The following TRIO variants were observed in gnomAD, a reference collection of about 807,000 sequenced individuals.
The protein encoded by TRIO is triple functional domain protein.
TRIO carries 58 observed loss-of-function variants against 351.9 expected under a neutral mutation model. That is an observed-to-expected ratio of 0.16 (90% confidence interval 0.13 to 0.21). The LOEUF is 0.21. Ranked by LOEUF, TRIO falls within the 10% of genes least tolerant of loss-of-function variation. TRIO has a pLI of 1.00. For missense variants in TRIO, 3,201 were observed against 4,027.8 expected (o/e 0.79, Z 5.56); for synonymous variants, 1,758 against 1,595.7 (o/e 1.10, Z -2.42).
chr5:14,277,007 C>G (rs1257425928), intron 2 of TRIO, among the ~76,000 whole-genome samples: 2 of 152,214 alleles, frequency 1.3e-5, no homozygotes, highest in African/African-American at 4.8e-5. Context: ...GGATATCCAT[C>G]AGGCATTGCT....
At chr5:14,406,820 G>A in intron 33 of TRIO, 148 bp downstream of exon 33, 1 of 732,602 alleles carries the variant, frequency 1.4e-6, no homozygotes, top group Admixed American at 2.2e-5. Context: ...TCCCGTGGTG[G>A]GGCAGAGACT....
rs2152284838 is a variant in TRIO, at chr5:14,290,761, T to G, written c.586T>G (p.Ser196Ala). The G allele has an allele frequency of 6.2e-7, 1 of 1,614,162 alleles. No homozygotes were observed. The highest frequency in any genetic ancestry group is 1.3e-5 in the African/African-American group (1 of 75,040). ...AGGCCTTACCAAAGTAGTTGATCCTTCTCAGCTAACTCCTGAGTTTGATGG... is the reference window on the plus strand; with the variant it reads ...AGGCCTTACCAAAGTAGTTGATCCTGCTCAGCTAACTCCTGAGTTTGATGG... ...LEGLTKVVDP[S>A]QLTPEFDGCL... Residue 196 changes from serine (S) to alanine (A), a missense_variant, in exon 5 of 57, where the codon TCT (serine) becomes GCT (alanine). By Grantham distance (99) the Ser-to-Ala change is moderately conservative. Transcript: ENST00000344204.
At chr5:14,469,889 T>A (rs1194405517) in intron 37 of TRIO, among the ~76,000 whole-genome samples, 1 of 152,226 alleles carries the variant, frequency 6.6e-6, no homozygotes, top group African/African-American at 2.4e-5. Context: ...CCTTTCTCTT[T>A]CTTTTCTTTG....
At chr5:14,295,062 G>T (rs1322090285) in intron 6 of TRIO, among the ~76,000 whole-genome samples, 2 of 152,168 alleles carry the variant, frequency 1.3e-5, no homozygotes, top group African/African-American at 4.8e-5. Context: ...TTCTGGACCA[G>T]GCCTGCTCCT....
rs1376568561 is a variant in TRIO at position 14,297,088 on chromosome 5, T to G, written c.1193T>G (p.Ile398Arg). ...AMNCMNVYVN[I>R]NRIMSVANRL... is the part of the protein sequence containing the mutation. The stretch of plus-strand genomic sequence containing the variant: ...ACTTTCCAGAACGTGTATGTAAATA[T>G]AAACCGCATCATGTCGGTGGCCAAT... Residue 398 changes from isoleucine to arginine, a missense_variant, in exon 7 of 57, where the codon ATA (isoleucine) becomes AGA (arginine). By Grantham distance (97) the Ile-to-Arg change is moderately conservative. Coordinates refer to ENST00000344204, the MANE Select transcript of TRIO (RefSeq NM_007118.4). 6.2e-7 allele frequency: 1 copy of G among 1,613,002 alleles called. No individual in the cohort carries two copies. The highest frequency in any genetic ancestry group is 1.3e-5 in the African/African-American group (1 of 74,910).
chr5:14,263,646 T>C (rs1230309228), intron 1 of TRIO, among the ~76,000 whole-genome samples: 1 of 152,212 alleles, frequency 6.6e-6, no homozygotes, highest in Non-Finnish European at 1.5e-5. Flanking sequence ...TCTGGTTCAT[T>C]TGATACACAC....
At position 14,487,807 on chromosome 5, in the gene TRIO, GC is replaced by G; in HGVS notation, c.7185del (p.Gly2396AlafsTer17). 9.9e-6 allele frequency: 14 copies of G among 1,416,112 alleles called. No individual in the cohort carries two copies. Among genetic ancestry groups the G allele is most frequent in the Admixed American group, 6.6e-5 (2 of 30,092 alleles). 87.7% of individuals were successfully genotyped at this position (1,416,112 alleles called of 1,614,324 possible). On this transcript the variant is annotated frameshift_variant, in exon 48 of 57. Coordinates refer to ENST00000344204, the MANE Select transcript of TRIO (RefSeq NM_007118.4). LOFTEE classifies it high-confidence loss of function. ...CCGGCCCCAGCGCGCCCAGCAGGCG[GC>G]CCCCCGGCGCGGACGCCGAGGGGTC... Reference protein sequence around the residue: ...EAGPSAPSRRPPGADAEGSER... With the variant: ...EAGPSAPSRRXPGADAEGSER...
At chr5:14,455,199 G>A (rs1005882190) in intron 34 of TRIO, among the ~76,000 whole-genome samples, 1 of 152,174 alleles carries the variant, frequency 6.6e-6, no homozygotes, top group Admixed American at 6.5e-5. Flanking sequence ...GGCTTGGGCA[G>A]CCTGCTTTTA....
intron 9 of TRIO, among the ~76,000 whole-genome samples, chr5:14,322,422 T>C (rs1325573801): frequency 6.6e-6 from 1 of 152,198 alleles, no homozygotes; most frequent in Non-Finnish European, 1.5e-5. Flanking sequence ...ATGAGGATTT[T>C]GGTCATTTGA....
intron 34 of TRIO, among the ~76,000 whole-genome samples, chr5:14,437,106 G>T (rs1173206399): frequency 6.6e-6 from 1 of 152,126 alleles, no homozygotes; most frequent in Non-Finnish European, 1.5e-5. Flanking sequence ...TTGATAGTAA[G>T]ACACTTGGAT....
In TRIO at chr5:14,359,447, G is replaced by T. The variant is rs200525310; in HGVS notation, c.2307G>T (p.Ser769=). ...TVLQQLDEAQ[S]QMEELFQERK... ...TGCAGCAGCTGGACGAGGCGCAGTC[G>T]CAGATGGAGGAGCTCTTCCAGGAGC... The change falls in exon 13 of 57, where the codon TCG becomes TCT. Residue 769 remains serine, a synonymous_variant. Transcript: ENST00000344204. 3.1e-6 allele frequency: 5 copies of T among 1,614,280 alleles called. No individual in the cohort carries two copies. Among genetic ancestry groups the T allele is most frequent in the Non-Finnish European group, 4.2e-6 (5 of 1,180,050 alleles).
intron 4 of TRIO, among the ~76,000 whole-genome samples, chr5:14,290,121 G>C (rs979189822): frequency 1.3e-4 from 20 of 152,188 alleles, no homozygotes; most frequent in African/African-American, 4.8e-4. Context: ...GGGCAGTGGG[G>C]TTAGGCTTAG....
intron 34 of TRIO, among the ~76,000 whole-genome samples, chr5:14,425,501 T>C (rs1370287376): frequency 1.3e-5 from 2 of 152,262 alleles, no homozygotes; most frequent in Non-Finnish European, 2.9e-5. Context: ...TTGTGAATAA[T>C]GCTGCTATGA....
chr5:14,210,601 T>TG (rs1169341660), intron 1 of TRIO, among the ~76,000 whole-genome samples: 1 of 151,570 alleles, frequency 6.6e-6, no homozygotes, highest in Non-Finnish European at 1.5e-5. Flanking sequence ...GAAAGTGTTT[T>TG]TTTGTTGTTG....
At chr5:14,305,554 G>A (rs971686346) in intron 8 of TRIO, among the ~76,000 whole-genome samples, 5 of 152,244 alleles carry the variant, frequency 3.3e-5, no homozygotes, top group Admixed American at 6.5e-5. Flanking sequence ...ACCTGGAAGA[G>A]TGCTGGACAG....
At chr5:14,502,509 G>T (rs866804604) in intron 53 of TRIO, 70 bp from the exon 54 acceptor site, 8 of 1,530,650 alleles carry the variant, frequency 5.2e-6, no homozygotes, top group Non-Finnish European at 7.2e-6. Context: ...GGGACAGTGC[G>T]TGGCGATAGC....
At chr5:14,489,181 C>T in intron 48 of TRIO, 3 of 588,172 alleles carry the variant, frequency 5.1e-6, no homozygotes, top group South Asian at 4.5e-5. Flanking sequence ...AAAAATCTAG[C>T]TTTTGCATGT....
At chr5:14,166,602 G>A (rs1307392917) in intron 1 of TRIO, among the ~76,000 whole-genome samples, 9 of 152,100 alleles carry the variant, frequency 5.9e-5, no homozygotes, top group African/African-American at 7.2e-5. Context: ...CCTCTGCCCC[G>A]AGTGCTCAGC....
At chr5:14,413,249 T>TG (rs1168703409) in intron 33 of TRIO, among the ~76,000 whole-genome samples, 1 of 152,240 alleles carries the variant, frequency 6.6e-6, no homozygotes, top group Non-Finnish European at 1.5e-5. Flanking sequence ...CCTGATGAAT[T>TG]GTGGTGGCTC....
Sources: gnomAD v4.1 joint callset for allele counts (sites outside exome capture counted in the v4.1 genomes callset) on GRCh38, gnomAD v4.1.1 for gene constraint, MANE v1.5 for transcripts, NCBI Gene and HGNC (gene_info 2026-07-23, HGNC 2026-07-21) for gene names.